CNTNAP2: variants seen among roughly 807,000 people sequenced by gnomAD.
The protein encoded by CNTNAP2 is contactin associated protein 2, also known as contactin-associated protein-like 2.
CNTNAP2 carries 98 observed loss-of-function variants against 155.2 expected under a neutral mutation model. The ratio of observed to expected loss-of-function variants is 0.63; its 90% confidence interval spans 0.54 to 0.75. The LOEUF (loss-of-function observed/expected upper bound fraction) is 0.75. Ranked by LOEUF, CNTNAP2 falls within the 30% of genes least tolerant of loss-of-function variation. The probability of loss-of-function intolerance (pLI) is 0.00; values close to 1 mark genes in which losing one functional copy is unlikely to be tolerated. For synonymous variants in CNTNAP2, 651 were observed against 631.2 expected (o/e 1.03, Z -0.47); for missense variants, 1,727 against 1,688.1 (o/e 1.02, Z -0.40).
In CNTNAP2 at chr7:146,920,144, T is replaced by C. The variant is rs369794321; in HGVS notation, c.402+80240T>C. On this transcript the variant is annotated intron_variant, in intron 3 of 23. Coordinates refer to ENST00000361727, the MANE Select transcript of CNTNAP2 (RefSeq NM_014141.6). ...AATGTGAAATACTGGCCAGGCGTGG[T>C]GGCTTATGCCTGTAAGCCCAGCACT... Among the ~76,000 whole-genome samples the C allele has an allele frequency of 1.6e-4, 25 of 152,330 alleles. 1 individual carries two copies. In the East Asian group the frequency reaches 2.7e-3, roughly 16 times the overall value.
intron 13 of CNTNAP2, among the ~76,000 whole-genome samples, chr7:147,823,862 G>T (rs1002365742): frequency 1.9e-4 from 29 of 152,040 alleles, no homozygotes; most frequent in African/African-American, 6.8e-4. Flanking sequence ...TGGCATTTTG[G>T]TATTAATTTG....
chr7:148,253,009 CATAGATAGATAG>C (rs59679982), intron 20 of CNTNAP2, among the ~76,000 whole-genome samples: 93 of 141,952 alleles, frequency 6.6e-4, no homozygotes, highest in Admixed American at 9.2e-4. Context: ...TAGATAGATA[CATAGATAGATAG>C]ATAGATAGAT....
At chr7:146,887,947 G>T (rs991320699) in intron 3 of CNTNAP2, among the ~76,000 whole-genome samples, 6 of 152,006 alleles carry the variant, frequency 3.9e-5, no homozygotes, top group African/African-American at 1.2e-4. Context: ...CTGACTTAGG[G>T]TTGTTCTGTA....
At chr7:146,272,171 G>A (rs1003254578) in intron 1 of CNTNAP2, among the ~76,000 whole-genome samples, 1 of 152,144 alleles carries the variant, frequency 6.6e-6, no homozygotes, top group African/African-American at 2.4e-5. Flanking sequence ...CATTGTGGAA[G>A]GGGAAGCAAA....
intron 12 of CNTNAP2, among the ~76,000 whole-genome samples, chr7:147,589,326 G>T (rs1309284793): frequency 6.6e-6 from 1 of 152,026 alleles, no homozygotes. Flanking sequence ...ATAATCCTTG[G>T]CTTGGGACAG....
chr7:147,366,893 ATTTAT>A (rs1442018007), intron 9 of CNTNAP2, among the ~76,000 whole-genome samples: 2 of 152,046 alleles, frequency 1.3e-5, no homozygotes, highest in Non-Finnish European at 2.9e-5. Flanking sequence ...TCGCAATATA[ATTTAT>A]TATATATCCA....
At chr7:147,409,619 C>T (rs1241633732) in intron 10 of CNTNAP2, among the ~76,000 whole-genome samples, 1 of 152,106 alleles carries the variant, frequency 6.6e-6, no homozygotes, top group Non-Finnish European at 1.5e-5. Context: ...AGACAAGCTA[C>T]AGAATGGGAG....
chr7:146,698,801 G>A (rs1433867602), intron 1 of CNTNAP2, among the ~76,000 whole-genome samples: 1 of 151,978 alleles, frequency 6.6e-6, no homozygotes, highest in Non-Finnish European at 1.5e-5. Context: ...TGTAGAATGT[G>A]CTCTTCCATA....
intron 13 of CNTNAP2, among the ~76,000 whole-genome samples, chr7:147,838,371 C>T (rs996885220): frequency 3.3e-5 from 5 of 152,140 alleles, no homozygotes; most frequent in African/African-American, 1.2e-4. Context: ...ATCTCTGCAG[C>T]CAGCTTGAAT....
At chr7:146,337,788 T>C (rs1243928999) in intron 1 of CNTNAP2, among the ~76,000 whole-genome samples, 7 of 152,118 alleles carry the variant, frequency 4.6e-5, no homozygotes, top group Admixed American at 2.0e-4. Flanking sequence ...TATGATTTTA[T>C]TCATTAGTCT....
intron 16 of CNTNAP2, among the ~76,000 whole-genome samples, chr7:148,119,978 T>C (rs1034986552): frequency 2.0e-5 from 3 of 151,920 alleles, no homozygotes; most frequent in South Asian, 4.2e-4. Context: ...GAAAGGGGAT[T>C]CTTGCTTCCC....
At chr7:147,373,411 G>C (rs1307851827) in intron 9 of CNTNAP2, among the ~76,000 whole-genome samples, 1 of 151,820 alleles carries the variant, frequency 6.6e-6, no homozygotes, top group African/African-American at 2.4e-5. Context: ...ATGAATTTTA[G>C]GTAGGTGCAC....
At chr7:146,715,218 A>G (rs1218443621) in intron 1 of CNTNAP2, among the ~76,000 whole-genome samples, 5 of 152,024 alleles carry the variant, frequency 3.3e-5, no homozygotes, top group Admixed American at 3.3e-4. Context: ...ATAATTCCCA[A>G]CTACTCAGGA....
intron 15 of CNTNAP2, among the ~76,000 whole-genome samples, chr7:148,101,373 G>C (rs1455696930): frequency 1.3e-5 from 2 of 151,770 alleles, no homozygotes; most frequent in Admixed American, 6.6e-5. Context: ...GTGTGTGTGT[G>C]TGTGTGTGTG....
intron 12 of CNTNAP2, among the ~76,000 whole-genome samples, chr7:147,628,868 T>TAAAAAAAA (rs60644349): frequency 8.5e-6 from 1 of 117,170 alleles, no homozygotes. Flanking sequence ...CAACAGCAGT[T>TAAAAAAAA]AAAAAAAAAA....
rs545723402 is a variant in CNTNAP2 at position 148,418,073 on chromosome 7, A to G, written c.*2457A>G. The G allele has an allele frequency of 1.3e-5, 2 of 152,250 alleles. No individual in the cohort carries two copies. Among genetic ancestry groups the G allele is most frequent in the Non-Finnish European group, 2.9e-5 (2 of 68,048 alleles). 9.4% of individuals were successfully genotyped at this position (152,250 alleles called of 1,614,324 possible). ...CAATGTGGCCATCAGACAGGAAACC[A>G]AACGGTGGATAAAGTATTAAGTAAC... is the stretch of plus-strand genomic sequence containing the variant. On this transcript the variant is annotated 3_prime_UTR_variant, in exon 24 of 24. Transcript: ENST00000361727.
intron 12 of CNTNAP2, among the ~76,000 whole-genome samples, chr7:147,620,578 A>G (rs781620002): frequency 9.9e-5 from 15 of 151,464 alleles, no homozygotes; most frequent in Admixed American, 2.0e-4. Flanking sequence ...GAAATTCTGG[A>G]TTTGAAAAAG....
intron 13 of CNTNAP2, among the ~76,000 whole-genome samples, chr7:147,895,943 G>A (rs1295448662): frequency 6.6e-6 from 1 of 152,160 alleles, no homozygotes; most frequent in Non-Finnish European, 1.5e-5. Context: ...GCATTCTTTT[G>A]CAGTAGATGT....
intron 1 of CNTNAP2, among the ~76,000 whole-genome samples, chr7:146,647,845 C>T (rs958103500): frequency 6.6e-6 from 1 of 152,164 alleles, no homozygotes; most frequent in Non-Finnish European, 1.5e-5. Flanking sequence ...AATCTATAGT[C>T]ATCCTAAGAA....
Sources: allele counts gnomAD v4.1 joint callset (sites outside exome capture counted in the v4.1 genomes callset), GRCh38; gene constraint gnomAD v4.1.1; transcripts MANE v1.5; gene names NCBI Gene and HGNC (gene_info 2026-07-23, HGNC 2026-07-21).